Variants in DCLRE1C observed in about 807,000 individuals in gnomAD.
DCLRE1C encodes protein artemis.
In DCLRE1C, 47 loss-of-function variants were observed where a neutral mutation model predicts 61.4. The observed-to-expected ratio is 0.77, with a 90% CI of 0.61 to 0.98. The LOEUF (loss-of-function observed/expected upper bound fraction) is 0.98. Ranked by LOEUF, DCLRE1C falls within the 50% of genes least tolerant of loss-of-function variation. DCLRE1C has a pLI of 0.00. For missense variants in DCLRE1C, 858 were observed against 816.0 expected, an observed-to-expected ratio of 1.05 and a Z score of -0.63; for synonymous variants, 337 against 287.6, an observed-to-expected ratio of 1.17 and a Z score of -1.74.
chr10:14,905,796 C>G lies in DCLRE1C; in HGVS notation c.*2612G>C, dbSNP rs1834342449. 6.6e-6 allele frequency among the ~76,000 whole-genome samples: 1 copy of G among 152,090 alleles called. No individual in the cohort carries two copies. Among genetic ancestry groups the G allele is most frequent in the African/African-American group, 2.4e-5 (1 of 41,394 alleles). ...GGTCAGGAGTTCAAGACCAGTCTGA[C>G]CAATATGGTGAAACCCTGTCTCTAC... On this transcript the variant is annotated 3_prime_UTR_variant, in exon 14 of 14. Transcript: ENST00000378278.
At chr10:14,954,260 C>T (rs1054252520), upstream of DCLRE1C, 1 of 594,610 alleles carries the variant, frequency 1.7e-6, no homozygotes, top group African/African-American at 1.9e-5. Context: ...GAGCCCTGCC[C>T]AGTGCAAGGC....
At position 14,954,018 on chromosome 10, in the gene DCLRE1C, C is replaced by T. The variant is rs1842838409; in HGVS notation, c.-8G>A. 1 of 1,613,968 alleles carries T rather than the reference C, an allele frequency of 6.2e-7. No homozygotes were observed. The highest frequency in any genetic ancestry group is 8.5e-7 in the Non-Finnish European group (1 of 1,179,918). ...CCCCTCGAAAGAACTCATAGCGCCG[C>T]CGATCCCAGAGTCCGGGACCCCAAA... On this transcript the variant is annotated 5_prime_UTR_variant, in exon 1 of 14. Coordinates refer to ENST00000378278, the MANE Select transcript of DCLRE1C (RefSeq NM_001033855.3).
At chr10:14,902,262 C>T (rs1834077128), downstream of DCLRE1C, 1 of 444,332 alleles carries the variant, frequency 2.3e-6, no homozygotes, top group Non-Finnish European at 4.1e-6. Context: ...ACTACATTTC[C>T]TTGGGAGTTA....
At chr10:14,910,886 G>A (rs999825871) in intron 13 of DCLRE1C, among the ~76,000 whole-genome samples, 14 of 152,310 alleles carry the variant, frequency 9.2e-5, no homozygotes, top group Non-Finnish European at 1.5e-4. Context: ...ATAAGACACA[G>A]ATGAGTCCTA....
intron 11 of DCLRE1C, among the ~76,000 whole-genome samples, chr10:14,924,395 A>G (rs1376434394): frequency 6.6e-6 from 1 of 152,170 alleles, no homozygotes. Context: ...AAACATCTCT[A>G]CAACCTAGAG....
At chr10:14,928,805 G>A (rs61843045) in intron 9 of DCLRE1C, among the ~76,000 whole-genome samples, 1 of 112,700 alleles carries the variant, frequency 8.9e-6, no homozygotes, top group Admixed American at 9.5e-5. Context: ...TTTTTTTTTA[G>A]ACAGTCTCGC....
At chr10:14,953,842 T>G in intron 1 of DCLRE1C, 60 bp downstream of exon 1, 1 of 1,606,268 alleles carries the variant, frequency 6.2e-7, no homozygotes, top group Non-Finnish European at 8.5e-7. Flanking sequence ...GCCGGCCCCC[T>G]CCTGTCCTCT....
At chr10:14,931,493 G>T (rs1254990681) in intron 9 of DCLRE1C, among the ~76,000 whole-genome samples, 1 of 152,154 alleles carries the variant, frequency 6.6e-6, no homozygotes, top group African/African-American at 2.4e-5. Context: ...GGGAGGCAGA[G>T]CTTGCAGTGA....
At chr10:14,938,045 G>GTAAC (rs1840259507) in intron 4 of DCLRE1C, among the ~76,000 whole-genome samples, 1 of 152,080 alleles carries the variant, frequency 6.6e-6, no homozygotes, top group African/African-American at 2.4e-5. Flanking sequence ...CACACACCAG[G>GTAAC]TCACTGCTCA....
Position 14,953,927 on chromosome 10 carries a change from G to A in DCLRE1C, c.84C>T (p.Ala28=), listed in dbSNP as rs772007901. The change falls in exon 1 of 14, where the codon GCC becomes GCT. Residue 28 remains alanine (A), a synonymous_variant. Coordinates refer to ENST00000378278, the MANE Select transcript of DCLRE1C (RefSeq NM_001033855.3). ...RFDRENLRAR[A]YFLSHCHKDH... ...CTTTGTGGCAGTGGGACAGGAAGTA[G>A]GCGCGGGCCCTCAGGTTCTCCCTAT... 16 of 1,613,938 alleles carry A rather than the reference G, an allele frequency of 9.9e-6. No homozygotes were observed. The Admixed American group carries it at 2.5e-4, about 25-fold the overall frequency.
At chr10:14,946,892 A>G (rs1411713029) in intron 2 of DCLRE1C, among the ~76,000 whole-genome samples, 4 of 152,118 alleles carry the variant, frequency 2.6e-5, no homozygotes, top group Admixed American at 2.0e-4. Flanking sequence ...GCCTGGGATT[A>G]TAAGCCTAAG....
downstream of DCLRE1C, among the ~76,000 whole-genome samples, chr10:14,900,570 C>T (rs1327230874): frequency 6.6e-6 from 1 of 152,122 alleles, no homozygotes; most frequent in Non-Finnish European, 1.5e-5. Context: ...TATCCAGGGC[C>T]ATCAAACAGT....
chr10:14,945,541 C>A, intron 2 of DCLRE1C: 1 of 1,098,262 alleles, frequency 9.1e-7, no homozygotes, highest in Non-Finnish European at 1.1e-6. Flanking sequence ...CTTGGAAATA[C>A]GCGCTTGTAT....
At chr10:14,940,763 TTAAAG>T (rs1421497003) in intron 3 of DCLRE1C, among the ~76,000 whole-genome samples, 1 of 152,256 alleles carries the variant, frequency 6.6e-6, no homozygotes, top group African/African-American at 2.4e-5. Flanking sequence ...GGTTTGGGTG[TTAAAG>T]TATTTTTGCA....
intron 2 of DCLRE1C, chr10:14,945,462 G>C (rs1841528717): frequency 8.5e-7 from 1 of 1,177,028 alleles, no homozygotes; most frequent in South Asian, 1.9e-5. Context: ...GTGCCACCAA[G>C]AGCACAAGGT....
chr10:14,954,382 G>T (rs959732191), upstream of DCLRE1C: 29 of 365,896 alleles, frequency 7.9e-5, no homozygotes, highest in African/African-American at 5.2e-4. Flanking sequence ...GGCCCCAGCC[G>T]ACGAGGTGAG....
chr10:14,944,650 C>T (rs1448503247), intron 3 of DCLRE1C, among the ~76,000 whole-genome samples: 1 of 151,036 alleles, frequency 6.6e-6, no homozygotes, highest in Non-Finnish European at 1.5e-5. Flanking sequence ...TTGTTCAATG[C>T]CAACAGACTT....
intron 11 of DCLRE1C, among the ~76,000 whole-genome samples, chr10:14,925,338 C>A (rs190800411): frequency 9.2e-5 from 14 of 151,600 alleles, no homozygotes; most frequent in African/African-American, 1.7e-4. Context: ...AATAAAGGAG[C>A]ACCCCCTCTC....
At chr10:14,910,843 G>A (rs1835139077) in intron 13 of DCLRE1C, among the ~76,000 whole-genome samples, 1 of 152,118 alleles carries the variant, frequency 6.6e-6, no homozygotes, top group Non-Finnish European at 1.5e-5. Context: ...CAAGAAAATG[G>A]ACATCGAGCA....
Sources: allele counts gnomAD v4.1 joint callset (sites outside exome capture counted in the v4.1 genomes callset), GRCh38; gene constraint gnomAD v4.1.1; transcripts MANE v1.5; gene names NCBI Gene and HGNC (gene_info 2026-07-23, HGNC 2026-07-21).